SHPRH: variants seen among roughly 807,000 people sequenced by gnomAD.
SHPRH encodes SNF2 histone linker PHD RING helicase.
A neutral mutation model predicts 202.5 loss-of-function variants in SHPRH; 106 were observed. The observed-to-expected ratio is 0.52, with a 90% CI of 0.45 to 0.62. SHPRH has a LOEUF of 0.62. Among genes scored for constraint, SHPRH ranks in the 20% least tolerant of loss-of-function variants. The pLI, the probability that SHPRH is intolerant of heterozygous loss-of-function variation, is 0.00. For missense variants in SHPRH, 1,710 were observed against 2,020.0 expected (o/e 0.85, Z 2.94); for synonymous variants, 729 against 686.0 (o/e 1.06, Z -0.98).
chr6:145,954,199 T>C (rs1370573888), intron 2 of SHPRH, among the ~76,000 whole-genome samples: 3 of 151,902 alleles, frequency 2.0e-5, no homozygotes, highest in African/African-American at 4.8e-5. Context: ...CAGTGTGGTA[T>C]ATGGAGAAAA....
intron 15 of SHPRH, 80 bp from the exon 16 acceptor site, chr6:145,926,376 A>G (rs2128754145): frequency 1.7e-6 from 2 of 1,144,814 alleles, no homozygotes; most frequent in East Asian, 2.4e-5. Flanking sequence ...TATGGCACAC[A>G]GAACACTAAC....
intron 1 of SHPRH, among the ~76,000 whole-genome samples, chr6:145,959,617 A>G (rs1399674091): frequency 6.6e-6 from 1 of 152,244 alleles, no homozygotes; most frequent in Non-Finnish European, 1.5e-5. Context: ...TTATAAACTC[A>G]GCTCTTCAGT....
In SHPRH at chr6:145,955,325, T is replaced by C; in HGVS notation, c.-3A>G. On this transcript the variant is annotated 5_prime_UTR_variant, in exon 2 of 30. Transcript: ENST00000275233. Reference sequence around the variant, plus strand: ...GCACGTTTCCGTCGGCTGCTCATTTTCAAGTTTTCTTGGCTGGTAACTGTG... The same window carrying C: ...GCACGTTTCCGTCGGCTGCTCATTTCCAAGTTTTCTTGGCTGGTAACTGTG... 1 of 1,589,410 alleles carries C rather than the reference T, an allele frequency of 6.3e-7. No homozygotes were observed. Among genetic ancestry groups the C allele is most frequent in the Non-Finnish European group, 8.5e-7 (1 of 1,170,678 alleles).
In SHPRH at chr6:145,897,810, A is replaced by C. The variant is rs144529574; in HGVS notation, c.4516-2833T>G. ...ATATATGCAGAAAAAATATCTGATA[A>C]AATTCAACATACTTCAATAAACTCT... is the stretch of plus-strand genomic sequence containing the variant. On this transcript the variant is annotated intron_variant, in intron 25 of 29. Transcript: ENST00000275233. 3.2e-3 allele frequency among the ~76,000 whole-genome samples: 482 copies of C among 152,294 alleles called. 4 individuals carry two copies. The highest frequency in any genetic ancestry group is 0.011 in the African/African-American group (466 of 41,578).
At chr6:145,920,542 TA>T (rs1562321205) in intron 21 of SHPRH, among the ~76,000 whole-genome samples, 2 of 148,176 alleles carry the variant, frequency 1.3e-5, no homozygotes, top group African/African-American at 5.0e-5. Flanking sequence ...CAAGACTTTT[TA>T]AAAAAGAAAT....
chr6:145,944,012 T>C (rs1787090421), intron 8 of SHPRH, among the ~76,000 whole-genome samples: 1 of 152,030 alleles, frequency 6.6e-6, no homozygotes, highest in African/African-American at 2.4e-5. Flanking sequence ...GCTCTACAAG[T>C]GTCAGATTTG....
chr6:145,861,594 G>GTA (rs1008728479), downstream of SHPRH, among the ~76,000 whole-genome samples: 91 of 152,234 alleles, frequency 6.0e-4, no homozygotes, highest in African/African-American at 2.0e-3. Context: ...CCACTTCTGG[G>GTA]TATATATCCA....
intron 4 of SHPRH, among the ~76,000 whole-genome samples, chr6:145,948,577 C>A (rs77454102): frequency 6.6e-6 from 1 of 151,966 alleles, no homozygotes; most frequent in Non-Finnish European, 1.5e-5. Flanking sequence ...TTGTTTTGGG[C>A]ACAAATCCAC....
intron 25 of SHPRH, among the ~76,000 whole-genome samples, chr6:145,898,219 A>T (rs1782182745): frequency 6.6e-6 from 1 of 151,966 alleles, no homozygotes; most frequent in African/African-American, 2.4e-5. Flanking sequence ...CAATTATCCA[A>T]AAAGGACGTC....
chr6:145,907,122 G>C (rs992530343), intron 25 of SHPRH: 6 of 152,000 alleles, frequency 3.9e-5, no homozygotes. Flanking sequence ...GGATGTCTTA[G>C]GCACCTTAAA....
chr6:145,913,639 A>T, intron 23 of SHPRH, 90 bp from the exon 24 acceptor site: 1 of 945,646 alleles, frequency 1.1e-6, no homozygotes, highest in Non-Finnish European at 1.6e-6. Context: ...GGAAGTGAAT[A>T]CTGGCAATTA....
rs76395830 is a variant in SHPRH, at chr6:145,944,263, C to T, written c.1579-461G>A. 4.2e-3 allele frequency among the ~76,000 whole-genome samples: 635 copies of T among 152,216 alleles called. 17 individuals are homozygous for T. In the East Asian group the frequency reaches 0.071, roughly 17 times the overall value. On this transcript the variant is annotated intron_variant, in intron 8 of 29. Transcript: ENST00000275233. ...CTTTCCTTCCCTTTTCTACATATGT[C>T]CTCTCTTACAATTACTTATTAAATG...
At chr6:145,859,096 C>T in the SHPRH span, among the ~76,000 whole-genome samples, 1 of 152,026 alleles carries the variant, frequency 6.6e-6, no homozygotes, top group African/African-American at 2.4e-5. Context: ...GCATGCAAAA[C>T]AACCCAAAAC....
At chr6:145,897,408 C>G (rs1048228143) in intron 25 of SHPRH, among the ~76,000 whole-genome samples, 1 of 151,956 alleles carries the variant, frequency 6.6e-6, no homozygotes, top group African/African-American at 2.4e-5. Flanking sequence ...AGTCTCCCCT[C>G]AAAGAAAAGC....
intron 25 of SHPRH, among the ~76,000 whole-genome samples, chr6:145,898,850 C>T (rs1421104173): frequency 1.3e-5 from 2 of 152,058 alleles, no homozygotes; most frequent in South Asian, 2.1e-4. Context: ...CTTGTGCTGT[C>T]GCCCTAGTTG....
Position 145,963,991 on chromosome 6 carries a change from C to T in SHPRH, c.-293G>A, listed in dbSNP as rs1237667315. ...GGTCCGAAGTTCGCTAGTCCGGGATCGGGAAGAGGTGGGGAAGACTCGCGC... is the reference window on the plus strand; with the variant it reads ...GGTCCGAAGTTCGCTAGTCCGGGATTGGGAAGAGGTGGGGAAGACTCGCGC... On this transcript the variant is annotated 5_prime_UTR_variant, in exon 1 of 30. Coordinates refer to ENST00000275233, the MANE Select transcript of SHPRH (RefSeq NM_001042683.3). 1 of 152,288 alleles carries T rather than the reference C, an allele frequency of 6.6e-6. No individual in the cohort carries two copies. Among genetic ancestry groups the T allele is most frequent in the African/African-American group, 2.4e-5 (1 of 41,454 alleles). The allele number at this position is 152,288 out of a possible 1,614,324, so 9.4% of individuals were successfully genotyped here. A position where few individuals can be genotyped will look rare whatever the true frequency, so the allele number is the denominator to read the frequency against.
At chr6:145,880,648 TGAAAA>T (rs770722015), downstream of SHPRH, among the ~76,000 whole-genome samples, 4 of 149,326 alleles carry the variant, frequency 2.7e-5, no homozygotes, top group African/African-American at 4.9e-5. Context: ...AAAAAAAAGT[TGAAAA>T]GGAAAGAAAA....
In SHPRH at chr6:145,925,099, A is replaced by AT. The variant is rs932123831; in HGVS notation, c.3295-254dup. Among the ~76,000 whole-genome samples, 92 of 148,102 alleles carry AT rather than the reference A, an allele frequency of 6.2e-4. 1 individual carries two copies. In the South Asian group the frequency reaches 0.012, roughly 19 times the overall value. ...TATTTGTTTGCCAATTTCTTATTTA[A>AT]TTTTTTTTTTTAGTTAGAATAAGCA... is the stretch of plus-strand genomic sequence containing the variant. On this transcript the variant is annotated intron_variant, in intron 16 of 29. Transcript: ENST00000275233.
rs1490981879 is a variant in SHPRH, at chr6:145,922,728, T to C, written c.3654A>G (p.Pro1218=). Reference sequence around the variant, plus strand: ...TTGCAGACTCAATAACATTACGAGATGGAGGTCCCTCCAGGTTTTTTACAG... The same window carrying C: ...TTGCAGACTCAATAACATTACGAGACGGAGGTCCCTCCAGGTTTTTTACAG... ...REAVKNLEGP[P]SRNVIESATV... The change falls in exon 19 of 30, where the codon CCA becomes CCG. Residue 1218 remains proline, a synonymous_variant. Transcript: ENST00000275233. 11 of 1,612,228 alleles carry C rather than the reference T, an allele frequency of 6.8e-6. No individual in the cohort carries two copies. The highest frequency in any genetic ancestry group is 2.2e-5 in the South Asian group (2 of 91,014).
Sources: gnomAD v4.1 joint callset for allele counts (sites outside exome capture counted in the v4.1 genomes callset) on GRCh38, gnomAD v4.1.1 for gene constraint, MANE v1.5 for transcripts, NCBI Gene and HGNC (gene_info 2026-07-23, HGNC 2026-07-21) for gene names.